FHIT: variants seen among roughly 807,000 people sequenced by gnomAD.
The protein encoded by FHIT is bis(5'-adenosyl)-triphosphatase.
A neutral mutation model predicts 17.9 loss-of-function variants in FHIT; 19 were observed. The observed-to-expected ratio is 1.06, with a 90% confidence interval of 0.74 to 1.56. The LOEUF (loss-of-function observed/expected upper bound fraction) is 1.56, where lower values mean the gene tolerates loss of function less well. Ranked by LOEUF, FHIT falls within the 40% of genes most tolerant of loss-of-function variation. FHIT has a pLI of 0.00. For synonymous variants in FHIT, 81 were observed against 69.7 expected (o/e 1.16, Z -0.81); for missense variants, 248 against 189.2 (o/e 1.31, Z -1.82).
At chr3:61,100,047 T>A (rs1160694530) in intron 2 of FHIT, among the ~76,000 whole-genome samples, 2 of 152,134 alleles carry the variant, frequency 1.3e-5, no homozygotes, top group African/African-American at 4.8e-5. Flanking sequence ...TAATGACAGA[T>A]AACGCTGAGC....
At chr3:60,212,072 G>A (rs141500837) in intron 5 of FHIT, among the ~76,000 whole-genome samples, 131 of 152,260 alleles carry the variant, frequency 8.6e-4, no homozygotes, top group African/African-American at 2.9e-3. Flanking sequence ...CCCAGCATCG[G>A]ACCTCACATT....
chr3:59,797,593 G>A (rs577754016), intron 8 of FHIT, among the ~76,000 whole-genome samples: 16 of 152,112 alleles, frequency 1.1e-4, no homozygotes, highest in African/African-American at 3.9e-4. Context: ...TGTAGTTCTG[G>A]GTTTCTCCTG....
At chr3:60,900,354 G>C (rs1553762895) in intron 3 of FHIT, among the ~76,000 whole-genome samples, 1 of 151,944 alleles carries the variant, frequency 6.6e-6, no homozygotes, top group Non-Finnish European at 1.5e-5. Flanking sequence ...GAGCCTAGGA[G>C]TTTGAGGCTA....
intron 5 of FHIT, among the ~76,000 whole-genome samples, chr3:60,176,162 G>A (rs1480351802): frequency 6.6e-6 from 1 of 152,142 alleles, no homozygotes; most frequent in Non-Finnish European, 1.5e-5. Flanking sequence ...GACCAGCCTG[G>A]CCAACATGGC....
chr3:59,847,693 T>C (rs1701771809), intron 8 of FHIT, among the ~76,000 whole-genome samples: 1 of 152,318 alleles, frequency 6.6e-6, no homozygotes, highest in Non-Finnish European at 1.5e-5. Flanking sequence ...ATGAATCGAA[T>C]AATATGATAA....
chr3:60,832,692 A>G (rs1378234540), intron 3 of FHIT, among the ~76,000 whole-genome samples: 7 of 152,084 alleles, frequency 4.6e-5, no homozygotes, highest in African/African-American at 1.4e-4. Flanking sequence ...ATTCATAAAA[A>G]AAAAAAAAAG....
At chr3:61,073,204 G>T (rs139196578) in intron 2 of FHIT, among the ~76,000 whole-genome samples, 77 of 152,300 alleles carry the variant, frequency 5.1e-4, no homozygotes, top group Non-Finnish European at 8.4e-4. Context: ...AGATCAGGAT[G>T]GATGGAGTGT....
At chr3:60,402,063 AG>A (rs762667062) in intron 5 of FHIT, among the ~76,000 whole-genome samples, 2 of 152,270 alleles carry the variant, frequency 1.3e-5, no homozygotes, top group South Asian at 2.1e-4. Flanking sequence ...AGTCTTATTA[AG>A]GGGCTATTGT....
intron 5 of FHIT, among the ~76,000 whole-genome samples, chr3:60,095,629 A>G (rs1396785636): frequency 6.6e-6 from 1 of 152,218 alleles, no homozygotes; most frequent in African/African-American, 2.4e-5. Context: ...GCTGAGGGTG[A>G]AGGGACTGAA....
chr3:61,067,035 T>C (rs1428063823), intron 2 of FHIT, among the ~76,000 whole-genome samples: 1 of 152,216 alleles, frequency 6.6e-6, no homozygotes, highest in African/African-American at 2.4e-5. Context: ...AGCCTTCTTT[T>C]GGTTTTGAGT....
At chr3:60,182,597 G>C (rs898588920) in intron 5 of FHIT, among the ~76,000 whole-genome samples, 6 of 151,966 alleles carry the variant, frequency 3.9e-5, no homozygotes, top group Non-Finnish European at 1.5e-5. Flanking sequence ...GGGCAACATG[G>C]CAAGTTCCTG....
chr3:60,497,377 C>T (rs1046657664), intron 5 of FHIT, among the ~76,000 whole-genome samples: 1 of 152,178 alleles, frequency 6.6e-6, no homozygotes, highest in South Asian at 2.1e-4. Flanking sequence ...AGGACTGCCA[C>T]ATTATTCTTT....
chr3:60,495,499 G>A (rs74898433), intron 5 of FHIT, among the ~76,000 whole-genome samples: 1,855 of 151,780 alleles, frequency 0.012, 29 homozygotes, highest in South Asian at 0.06. Context: ...AATTAAAAAG[G>A]CAGTGACAAA....
At chr3:60,966,333 C>T (rs1553783396) in intron 3 of FHIT, among the ~76,000 whole-genome samples, 2 of 152,236 alleles carry the variant, frequency 1.3e-5, no homozygotes, top group African/African-American at 4.8e-5. Flanking sequence ...CAGGTACCGT[C>T]TCTCACGGCT....
At chr3:60,490,671 CA>C (rs377411602) in intron 5 of FHIT, among the ~76,000 whole-genome samples, 3,903 of 124,920 alleles carry the variant, frequency 0.031, 62 homozygotes, top group East Asian at 0.058. Flanking sequence ...TGATTTGTAC[CA>C]AAAAAAAAAA....
intron 2 of FHIT, among the ~76,000 whole-genome samples, chr3:61,164,602 A>G (rs1305024754): frequency 2.7e-5 from 4 of 150,766 alleles, no homozygotes; most frequent in African/African-American, 9.8e-5. Context: ...TAATAACAAC[A>G]AAAACTATCC....
rs529112691 is a variant in FHIT at position 60,580,131 on chromosome 3, C to T, written c.-17-43152G>A. On this transcript the variant is annotated intron_variant, in intron 4 of 9. Coordinates refer to ENST00000492590, the MANE Select transcript of FHIT (RefSeq NM_002012.4). ...CTGTATCATATGCTATCCTGAGGCT[C>T]GTTCCAACTCTAAAATTTAAAATTT... is the stretch of plus-strand genomic sequence containing the variant. Among the ~76,000 whole-genome samples, 110 of 152,222 alleles carry T rather than the reference C, an allele frequency of 7.2e-4. 2 individuals carry two copies. Among genetic ancestry groups the T allele is most frequent in the South Asian group, 1.2e-3 (6 of 4,818 alleles).
chr3:60,383,735 T>C (rs1269141255), intron 5 of FHIT, among the ~76,000 whole-genome samples: 2 of 151,944 alleles, frequency 1.3e-5, no homozygotes, highest in Non-Finnish European at 2.9e-5. Flanking sequence ...AGTTAGGAGG[T>C]ACATCTACTA....
intron 5 of FHIT, among the ~76,000 whole-genome samples, chr3:60,273,661 T>C (rs539702675): frequency 6.6e-6 from 1 of 152,274 alleles, no homozygotes; most frequent in East Asian, 1.9e-4. Flanking sequence ...ATGCTGATCA[T>C]ACTGCTATTC....
Sources: allele counts gnomAD v4.1 joint callset (sites outside exome capture counted in the v4.1 genomes callset), GRCh38; gene constraint gnomAD v4.1.1; transcripts MANE v1.5; gene names NCBI Gene and HGNC (gene_info 2026-07-23, HGNC 2026-07-21).